The following MACROD2 variants were observed in gnomAD, a reference collection of about 807,000 sequenced individuals.
MACROD2 encodes mono-ADP ribosylhydrolase 2, also known as ADP-ribose glycohydrolase MACROD2.
Under a neutral mutation model 70.4 loss-of-function variants are expected in MACROD2, and 36 were observed. The ratio of observed to expected loss-of-function variants is 0.51; its 90% CI spans 0.39 to 0.68. MACROD2 has a LOEUF of 0.68. Ranked by LOEUF, MACROD2 falls within the 30% of genes least tolerant of loss-of-function variation. MACROD2 has a pLI of 0.00. For missense variants in MACROD2, 496 were observed against 538.4 expected, an observed-to-expected ratio of 0.92 and a Z score of 0.78; for synonymous variants, 172 against 178.8, an observed-to-expected ratio of 0.96 and a Z score of 0.30.
chr20:15,365,612 G>C (rs1266325020), intron 6 of MACROD2, among the ~76,000 whole-genome samples: 1 of 151,144 alleles, frequency 6.6e-6, no homozygotes, highest in Non-Finnish European at 1.5e-5. Context: ...AGTGAGCCGA[G>C]ATCGCACCAC....
At chr20:15,492,089 T>C (rs1005628997) in intron 7 of MACROD2, among the ~76,000 whole-genome samples, 21 of 152,340 alleles carry the variant, frequency 1.4e-4, no homozygotes, top group African/African-American at 4.6e-4. Flanking sequence ...ACTGCAGTAA[T>C]AGGGGCAGTG....
At chr20:14,035,604 C>G (rs573750479) in intron 2 of MACROD2, among the ~76,000 whole-genome samples, 2 of 152,224 alleles carry the variant, frequency 1.3e-5, no homozygotes, top group East Asian at 1.9e-4. Flanking sequence ...TTTTCAAGTG[C>G]TTACGGATAT....
intron 17 of MACROD2, among the ~76,000 whole-genome samples, chr20:16,046,723 C>T (rs935026177): frequency 2.1e-5 from 3 of 145,200 alleles, no homozygotes; most frequent in African/African-American, 7.7e-5. Flanking sequence ...CTCTGTCACC[C>T]GGGCTACAGT....
At chr20:14,318,330 C>T (rs956298173) in intron 3 of MACROD2, among the ~76,000 whole-genome samples, 3 of 152,198 alleles carry the variant, frequency 2.0e-5, no homozygotes, top group Non-Finnish European at 4.4e-5. Flanking sequence ...CTTCCACACC[C>T]CCGTGGCTGC....
At chr20:14,625,012 C>T (rs770847404) in intron 4 of MACROD2, among the ~76,000 whole-genome samples, 3 of 151,954 alleles carry the variant, frequency 2.0e-5, no homozygotes, top group South Asian at 2.1e-4. Flanking sequence ...ATGGCTTGGC[C>T]GGCTGGTGAG....
At chr20:15,198,441 A>G (rs1192231427) in intron 5 of MACROD2, among the ~76,000 whole-genome samples, 4 of 152,224 alleles carry the variant, frequency 2.6e-5, no homozygotes. Flanking sequence ...TCATAAATTT[A>G]CTGCTCAGAG....
intron 4 of MACROD2, among the ~76,000 whole-genome samples, chr20:14,496,193 T>C (rs570848927): frequency 1.4e-4 from 22 of 152,276 alleles, no homozygotes; most frequent in African/African-American, 5.3e-4. Flanking sequence ...AATCAAACAA[T>C]TCCTTTTTTC....
chr20:15,818,345 A>G (rs2063899690), intron 8 of MACROD2, among the ~76,000 whole-genome samples: 1 of 152,192 alleles, frequency 6.6e-6, no homozygotes, highest in African/African-American at 2.4e-5. Context: ...TCCTGGGAAA[A>G]GGGTGGGCAA....
At chr20:14,352,044 G>T (rs1444113540) in intron 3 of MACROD2, among the ~76,000 whole-genome samples, 1 of 152,164 alleles carries the variant, frequency 6.6e-6, no homozygotes, top group African/African-American at 2.4e-5. Flanking sequence ...ATTTGCATAT[G>T]TTGAACCATC....
At chr20:15,436,188 G>A (rs561443092) in intron 7 of MACROD2, among the ~76,000 whole-genome samples, 5 of 151,664 alleles carry the variant, frequency 3.3e-5, no homozygotes, top group African/African-American at 1.2e-4. Flanking sequence ...GCATTAGTCC[G>A]TTTTCATGCT....
chr20:14,993,463 G>A (rs770920455), intron 5 of MACROD2, among the ~76,000 whole-genome samples: 2 of 151,990 alleles, frequency 1.3e-5, no homozygotes, highest in Admixed American at 6.6e-5. Context: ...CCCATTTTCT[G>A]TGTGTCTTTA....
chr20:15,867,815 G>A (rs1032224721), intron 9 of MACROD2, among the ~76,000 whole-genome samples: 4 of 152,142 alleles, frequency 2.6e-5, no homozygotes, highest in African/African-American at 9.7e-5. Context: ...GACGTTGGAA[G>A]CTTAAGACTT....
At chr20:15,273,311 C>T (rs1259863381) in intron 6 of MACROD2, among the ~76,000 whole-genome samples, 1 of 151,990 alleles carries the variant, frequency 6.6e-6, no homozygotes, top group Non-Finnish European at 1.5e-5. Flanking sequence ...CATTGGACTC[C>T]AATTTTTCAG....
At chr20:15,689,658 G>A (rs1042905080) in intron 8 of MACROD2, among the ~76,000 whole-genome samples, 5 of 152,182 alleles carry the variant, frequency 3.3e-5, no homozygotes, top group African/African-American at 9.7e-5. Context: ...GGCAGCAGGC[G>A]AGTGAGCCCT....
At chr20:15,595,709 A>C (rs563131372) in intron 8 of MACROD2, among the ~76,000 whole-genome samples, 1 of 152,218 alleles carries the variant, frequency 6.6e-6, no homozygotes, top group Admixed American at 6.5e-5. Context: ...AATTACACAT[A>C]TATACAAATA....
chr20:14,109,772 GA>G (rs2148684353), intron 3 of MACROD2, among the ~76,000 whole-genome samples: 1 of 151,838 alleles, frequency 6.6e-6, no homozygotes, highest in South Asian at 2.1e-4. Flanking sequence ...TCTCAGTAAA[GA>G]AAAGCCTGGG....
intron 2 of MACROD2, among the ~76,000 whole-genome samples, chr20:14,078,556 A>G (rs372458482): frequency 7.3e-5 from 11 of 151,660 alleles, no homozygotes; most frequent in East Asian, 3.9e-4. Flanking sequence ...ACAGGCGCCT[A>G]CCACCACGCC....
intron 5 of MACROD2, among the ~76,000 whole-genome samples, chr20:14,746,671 G>T (rs1397230687): frequency 6.6e-6 from 1 of 152,008 alleles, no homozygotes; most frequent in Admixed American, 6.6e-5. Flanking sequence ...AATTTCCCCA[G>T]TGCTGAAACT....
chr20:14,941,868 C>T (rs149342930), intron 5 of MACROD2, among the ~76,000 whole-genome samples: 1 of 151,604 alleles, frequency 6.6e-6, no homozygotes, highest in African/African-American at 2.4e-5. Context: ...ACTGCAGCCT[C>T]GACTGCCTGG....
Sources: allele counts gnomAD v4.1 joint callset (sites outside exome capture counted in the v4.1 genomes callset), GRCh38; gene constraint gnomAD v4.1.1; transcripts MANE v1.5; gene names NCBI Gene and HGNC (gene_info 2026-07-23, HGNC 2026-07-21).